Variants in LINC00305 observed in about 807,000 individuals in gnomAD.
LINC00305 encodes the protein long intergenic non-protein coding RNA 305.
intron 1 of LINC00305, among the ~76,000 whole-genome samples, chr18:64,143,133 T>C (rs1403227138): frequency 6.6e-6 from 1 of 152,080 alleles, no homozygotes; most frequent in Non-Finnish European, 1.5e-5. Flanking sequence ...ACCAGTAAAA[T>C]TGGAGCTGAA....
At chr18:64,140,855 A>G (rs1221815987) in intron 1 of LINC00305, among the ~76,000 whole-genome samples, 1 of 152,098 alleles carries the variant, frequency 6.6e-6, no homozygotes, top group South Asian at 2.1e-4. Context: ...AGGAGAGTTC[A>G]TGGAGAGAGA....
At chr18:64,143,797 G>GTACATGTATGTACACATATTATGCA (rs1568120377) in intron 1 of LINC00305, among the ~76,000 whole-genome samples, 4 of 78,138 alleles carry the variant, frequency 5.1e-5, no homozygotes, top group African/African-American at 1.8e-4. Flanking sequence ...CATATTATGC[G>GTACATGTATGTACACATATTATGCA]TACATGTATG....
intron 1 of LINC00305, chr18:64,139,633 T>A (rs72949538): frequency 0.071 from 10,730 of 152,174 alleles, 561 homozygotes; most frequent in Non-Finnish European, 0.12. Flanking sequence ...CAAATAAATA[T>A]TAAATGGTAA....
intron 1 of LINC00305, among the ~76,000 whole-genome samples, chr18:64,148,180 C>T (rs1012584921): frequency 1.3e-5 from 2 of 152,072 alleles, no homozygotes; most frequent in African/African-American, 4.8e-5. Flanking sequence ...ATTGCAGTCT[C>T]TCTTCTGAGA....
At chr18:64,099,311 A>G (rs1377342545) in intron 1 of LINC00305, among the ~76,000 whole-genome samples, 3 of 152,192 alleles carry the variant, frequency 2.0e-5, no homozygotes, top group African/African-American at 4.8e-5. Flanking sequence ...AGCCCTATTT[A>G]TTAATCACTG....
chr18:64,089,862 T>C (rs2051218213), intron 3 of LINC00305, among the ~76,000 whole-genome samples: 1 of 152,184 alleles, frequency 6.6e-6, no homozygotes, highest in Admixed American at 6.5e-5. Context: ...TATTCACTAT[T>C]AAAAGAACAG....
At chr18:64,092,013 A>T (rs968610192) in intron 3 of LINC00305, among the ~76,000 whole-genome samples, 6 of 152,214 alleles carry the variant, frequency 3.9e-5, no homozygotes, top group Admixed American at 6.5e-5. Context: ...GCACTGAGGT[A>T]TGAGAATAAA....
chr18:64,122,302 T>A (rs1054229193), intron 1 of LINC00305, among the ~76,000 whole-genome samples: 3 of 152,212 alleles, frequency 2.0e-5, no homozygotes, highest in Admixed American at 2.0e-4. Flanking sequence ...CTTCTAGTGT[T>A]TTTTATATAG....
intron 1 of LINC00305, among the ~76,000 whole-genome samples, chr18:64,110,957 G>C (rs1445705242): frequency 6.6e-6 from 1 of 152,148 alleles, no homozygotes; most frequent in Non-Finnish European, 1.5e-5. Context: ...AGGGTGACTG[G>C]AGTGTTTTTC....
chr18:64,086,635 C>G (rs995483605), intron 3 of LINC00305, among the ~76,000 whole-genome samples: 3 of 152,180 alleles, frequency 2.0e-5, no homozygotes, highest in African/African-American at 7.2e-5. Context: ...CAACTATACA[C>G]TTTAGCAAGC....
intron 3 of LINC00305, among the ~76,000 whole-genome samples, chr18:64,086,949 G>C (rs1358083941): frequency 6.6e-6 from 1 of 152,192 alleles, no homozygotes; most frequent in African/African-American, 2.4e-5. Context: ...AAACAGTTTA[G>C]TAGGAAACAG....
chr18:64,082,586 G>T (rs2051189276), intron 3 of LINC00305, among the ~76,000 whole-genome samples: 2 of 152,194 alleles, frequency 1.3e-5, no homozygotes, highest in Non-Finnish European at 2.9e-5. Flanking sequence ...GACAGAAATG[G>T]ATTGCACAAA....
At chr18:64,118,824 CTG>C (rs58215196) in intron 1 of LINC00305, among the ~76,000 whole-genome samples, 40,992 of 143,842 alleles carry the variant, frequency 0.28, 6,113 homozygotes, top group African/African-American at 0.4. Context: ...CCCTGGGGGT[CTG>C]TGTGTGTGTG....
At chr18:64,091,784 GATTA>G (rs1317560206) in intron 3 of LINC00305, among the ~76,000 whole-genome samples, 2 of 152,188 alleles carry the variant, frequency 1.3e-5, no homozygotes, top group African/African-American at 4.8e-5. Context: ...TTGGTTCAGT[GATTA>G]ATTAGTCACT....
At chr18:64,100,569 G>A (rs1234935938) in intron 1 of LINC00305, among the ~76,000 whole-genome samples, 2 of 152,164 alleles carry the variant, frequency 1.3e-5, no homozygotes, top group East Asian at 3.9e-4. Context: ...GCAAGTGAGT[G>A]CAAATAACTG....
intron 1 of LINC00305, among the ~76,000 whole-genome samples, chr18:64,147,786 G>T (rs577593721): frequency 2.0e-5 from 3 of 152,268 alleles, no homozygotes; most frequent in African/African-American, 7.2e-5. Context: ...AGCTGCTTAA[G>T]TGACTACAGC....
chr18:64,111,535 A>G (rs1410593189), intron 1 of LINC00305, among the ~76,000 whole-genome samples: 2 of 152,228 alleles, frequency 1.3e-5, no homozygotes, highest in Admixed American at 1.3e-4. Flanking sequence ...AATAGTAAGG[A>G]AAATACATAA....
At chr18:64,098,593 T>C (rs2051256187) in exon 2 of LINC00305, 1 of 446,648 alleles carries the variant, frequency 2.2e-6, no homozygotes, top group Non-Finnish European at 4.5e-6. Context: ...TAATGCACAG[T>C]CTATGAAGGT....
intron 1 of LINC00305, among the ~76,000 whole-genome samples, chr18:64,114,856 T>A (rs1304795356): frequency 1.3e-5 from 2 of 152,258 alleles, no homozygotes; most frequent in East Asian, 3.8e-4. Flanking sequence ...GCCTATTTTA[T>A]GTTTTTTTGA....
Sources: allele counts gnomAD v4.1 joint callset (sites outside exome capture counted in the v4.1 genomes callset), GRCh38; gene constraint gnomAD v4.1.1; transcripts MANE v1.5; gene names NCBI Gene and HGNC (gene_info 2026-07-23, HGNC 2026-07-21).